Variants in PCDHA4 observed in about 807,000 individuals in gnomAD.
PCDHA4 encodes the protein protocadherin alpha-4.
A neutral mutation model predicts 61.4 loss-of-function variants in PCDHA4; 49 were observed. The ratio of observed to expected loss-of-function variants is 0.80; its 90% CI spans 0.63 to 1.01. The LOEUF is 1.01. Among genes scored for constraint, PCDHA4 ranks in the 50% least tolerant of loss-of-function variants. The pLI is 0.00. For missense variants in PCDHA4, 1,254 were observed against 1,235.8 expected (o/e 1.01, Z -0.22); for synonymous variants, 590 against 550.3 (o/e 1.07, Z -1.01).
At chr5:140,849,768 G>A (rs1306922979) in intron 1 of PCDHA4, 2 of 1,598,386 alleles carry the variant, frequency 1.3e-6, no homozygotes, top group African/African-American at 2.7e-5. Flanking sequence ...CGAGCTGGTG[G>A]TTACCGCGCG....
At position 140,941,206 on chromosome 5, in the gene PCDHA4, TCTTTCTTC is replaced by T. The variant is rs1268159199; in HGVS notation, c.2386-37735_2386-37728del. Among the ~76,000 whole-genome samples the T allele has an allele frequency of 1.2e-3, 117 of 95,670 alleles. 1 individual carries two copies. The highest frequency in any genetic ancestry group is 8.3e-3 in the South Asian group (27 of 3,240). The allele number at this position is 95,670 out of a possible 152,430, so 62.8% of individuals were successfully genotyped here. A position where few individuals can be genotyped will look rare whatever the true frequency, so the allele number is the denominator to read the frequency against. On this transcript the variant is annotated intron_variant, in intron 1 of 3. Coordinates refer to ENST00000530339, the MANE Select transcript of PCDHA4 (RefSeq NM_018907.4). ...GCTTCTTTTTTTTTCTTTCTTCCTTTCTTTCTTCCTTTCTTTCTTTCTTTCTTTCTTTC... is the reference window on the plus strand; with the variant it reads ...GCTTCTTTTTTTTTCTTTCTTCCTTTCTTTCTTTCTTTCTTTCTTTCTTTC...
chr5:140,894,675 A>G lies in PCDHA4; in HGVS notation c.2386-84274A>G, dbSNP rs78197412. Reference sequence around the variant, plus strand: ...CTAATTCTGATTTGTGTATTCTTGCATAGCTTTTCATTATTTTCTAAAAAT... The same window carrying G: ...CTAATTCTGATTTGTGTATTCTTGCGTAGCTTTTCATTATTTTCTAAAAAT... On this transcript the variant is annotated intron_variant, in intron 1 of 3. Coordinates refer to ENST00000530339, the MANE Select transcript of PCDHA4 (RefSeq NM_018907.4). 4.6e-3 allele frequency among the ~76,000 whole-genome samples: 702 copies of G among 151,998 alleles called. 3 individuals carry two copies. The highest frequency in any genetic ancestry group is 0.016 in the African/African-American group (679 of 41,480).
rs2042221712 is a variant in PCDHA4 at position 140,852,026 on chromosome 5, C to T, written c.2385+42454C>T. The T allele has an allele frequency of 3.2e-6, 3 of 945,562 alleles. 1 individual carries two copies. Among genetic ancestry groups the T allele is most frequent in the Non-Finnish European group, 1.3e-6 (1 of 780,832 alleles). The allele number at this position is 945,562 out of a possible 1,614,324, so 58.6% of individuals were successfully genotyped here. On this transcript the variant is annotated intron_variant, in intron 1 of 3. Transcript: ENST00000530339. ...CTAATTTATAGTTTTAAAAACTTCG[C>T]TTATTGAGTTTTTGTTATGTGGTTT...
intron 1 of PCDHA4, among the ~76,000 whole-genome samples, chr5:140,921,566 T>C (rs775027482): frequency 4.6e-5 from 7 of 152,304 alleles, no homozygotes; most frequent in Middle Eastern, 3.4e-3. Flanking sequence ...TATTATGTTA[T>C]AGTAGAGCTC....
At chr5:140,915,368 T>G (rs1281630689) in intron 1 of PCDHA4, among the ~76,000 whole-genome samples, 1 of 152,216 alleles carries the variant, frequency 6.6e-6, no homozygotes, top group Non-Finnish European at 1.5e-5. Flanking sequence ...TACCAGTAAG[T>G]GTCTCGGCAT....
intron 1 of PCDHA4, among the ~76,000 whole-genome samples, chr5:140,906,294 T>C (rs1554192469): frequency 1.3e-5 from 2 of 152,278 alleles, no homozygotes; most frequent in East Asian, 3.9e-4. Flanking sequence ...AAGACAATAA[T>C]AAGGTCATAA....
intron 1 of PCDHA4, chr5:140,882,945 T>C (rs1554176195): frequency 6.2e-7 from 1 of 1,614,194 alleles, no homozygotes; most frequent in Non-Finnish European, 8.5e-7. Flanking sequence ...ACTGGCACAG[T>C]TCAGCTGCTC....
At chr5:140,824,389 T>C (rs1768104531) in intron 1 of PCDHA4, 2 of 557,508 alleles carry the variant, frequency 3.6e-6, no homozygotes, top group African/African-American at 3.8e-5. Flanking sequence ...TCTAAAAATG[T>C]AGGATAATAA....
chr5:140,943,302 A>G, intron 1 of PCDHA4, among the ~76,000 whole-genome samples: 1 of 151,674 alleles, frequency 6.6e-6, no homozygotes, highest in Non-Finnish European at 1.5e-5. Context: ...AATTTTGGGA[A>G]GTCATTATTA....
At chr5:140,880,297 AG>A (rs1554171244) in intron 1 of PCDHA4, among the ~76,000 whole-genome samples, 1 of 152,250 alleles carries the variant, frequency 6.6e-6, no homozygotes, top group Admixed American at 6.5e-5. Context: ...TCATAGTGTG[AG>A]TGAAAGAAAC....
chr5:140,849,995 C>A lies in PCDHA4; in HGVS notation c.2385+40423C>A, dbSNP rs2150462177. ...ACTCGCTGGTGGAGCGGCGGTTGGG[C>A]GAGCGCTCGCTGTCGAGCTACGTGT... On this transcript the variant is annotated intron_variant, in intron 1 of 3. Transcript: ENST00000530339. 5.0e-6 allele frequency: 8 copies of A among 1,597,088 alleles called. 1 individual carries two copies. The East Asian group carries it at 1.3e-4, about 27-fold the overall frequency.
chr5:140,807,908 G>C lies in PCDHA4; in HGVS notation c.721G>C (p.Ala241Pro), dbSNP rs781869651. ...ACTGGATGCCAATGACAATGCCCCA[G>C]CTTTTGACAGAACCATTTATAAGGT... ...TVLDANDNAP[A>P]FDRTIYKVRL... The change falls in exon 1 of 4, where the codon GCT (alanine) becomes CCT (proline). Residue 241 changes from alanine to proline, a missense_variant. By Grantham distance (27) the Ala-to-Pro change is conservative. Coordinates refer to ENST00000530339, the MANE Select transcript of PCDHA4 (RefSeq NM_018907.4). 2 of 1,614,008 alleles carry C rather than the reference G, an allele frequency of 1.2e-6. No individual in the cohort carries two copies. The highest frequency in any genetic ancestry group is 1.7e-6 in the Non-Finnish European group (2 of 1,180,016).
chr5:140,942,478 C>T (rs2093304158), intron 1 of PCDHA4, among the ~76,000 whole-genome samples: 1 of 151,408 alleles, frequency 6.6e-6, no homozygotes, highest in African/African-American at 2.4e-5. Flanking sequence ...ATTCAAGCTA[C>T]AACTGAAATA....
intron 1 of PCDHA4, among the ~76,000 whole-genome samples, chr5:140,900,283 C>A (rs1325528461): frequency 6.6e-6 from 1 of 151,666 alleles, no homozygotes; most frequent in Non-Finnish European, 1.5e-5. Flanking sequence ...ACCACACTTT[C>A]TTTTCTGTTT....
At chr5:140,961,591 T>C (rs1280839822) in intron 1 of PCDHA4, among the ~76,000 whole-genome samples, 1 of 152,190 alleles carries the variant, frequency 6.6e-6, no homozygotes, top group African/African-American at 2.4e-5. Flanking sequence ...ATTTTGGCAA[T>C]GATTCTAGTA....
intron 1 of PCDHA4, among the ~76,000 whole-genome samples, chr5:140,902,253 G>T (rs1170626795): frequency 1.4e-5 from 2 of 144,500 alleles, no homozygotes; most frequent in Non-Finnish European, 3.0e-5. Flanking sequence ...GCCCAGGCTG[G>T]TCTCGAACTC....
rs1349053689 is a variant in PCDHA4 at position 140,855,989 on chromosome 5, A to C, written c.2385+46417A>C. The C allele has an allele frequency of 3.4e-6, 5 of 1,484,810 alleles. No homozygotes were observed. The African/African-American group carries it at 7.0e-5, about 21-fold the overall frequency. The allele number at this position is 1,484,810 out of a possible 1,614,324, so 92.0% of individuals were successfully genotyped here. ...TATAAGAAATAGGACAGAAAATGTCAGATCGTATGTGCGTTCTAGACCGCT... is the reference window on the plus strand; with the variant it reads ...TATAAGAAATAGGACAGAAAATGTCCGATCGTATGTGCGTTCTAGACCGCT... On this transcript the variant is annotated intron_variant, in intron 1 of 3. Transcript: ENST00000530339.
chr5:140,871,141 C>T (rs1431247385), intron 1 of PCDHA4: 1 of 1,613,320 alleles, frequency 6.2e-7, no homozygotes, highest in Admixed American at 1.7e-5. Context: ...GGCCTCTTCC[C>T]GGACTTTGGC....
At chr5:140,979,386 A>C (rs1374804536) in intron 2 of PCDHA4, among the ~76,000 whole-genome samples, 1 of 152,142 alleles carries the variant, frequency 6.6e-6, no homozygotes, top group East Asian at 1.9e-4. Flanking sequence ...TGTGCAATGT[A>C]TACATACATG....
Sources: gnomAD v4.1 joint callset for allele counts (sites outside exome capture counted in the v4.1 genomes callset) on GRCh38, gnomAD v4.1.1 for gene constraint, MANE v1.5 for transcripts, NCBI Gene and HGNC (gene_info 2026-07-23, HGNC 2026-07-21) for gene names.